ANKFY1: variants seen among roughly 807,000 people sequenced by gnomAD.
ANKFY1 encodes the protein ankyrin repeat and FYVE domain containing 1.
A neutral mutation model predicts 128.3 loss-of-function variants in ANKFY1; 47 were observed. That is an observed-to-expected ratio of 0.37 (90% CI 0.29 to 0.47). The LOEUF (loss-of-function observed/expected upper bound fraction) is 0.47, where lower values mean the gene tolerates loss of function less well. Among genes scored for constraint, ANKFY1 ranks in the 20% least tolerant of loss-of-function variants. The pLI, the probability that ANKFY1 is intolerant of heterozygous loss-of-function variation, is 1.00. For synonymous variants in ANKFY1, 553 were observed against 601.6 expected (o/e 0.92, Z 1.18); for missense variants, 1,222 against 1,510.6 (o/e 0.81, Z 3.17).
rs201624841 is a variant in ANKFY1 at position 4,195,386 on chromosome 17, C to T, written c.1172+17G>A. ...CCTCACAACCGCCTTCTCACTTGTG[C>T]GTGTCTCCCTACGTACTGTTTGCAC... On this transcript the variant is annotated intron_variant, in intron 9 of 24. Coordinates refer to ENST00000341657, the MANE Select transcript of ANKFY1 (RefSeq NM_001330063.2). The T allele has an allele frequency of 8.7e-5, 140 of 1,611,256 alleles. No homozygotes were observed. Among genetic ancestry groups the T allele is most frequent in the Non-Finnish European group, 1.1e-4 (127 of 1,178,486 alleles).
chr17:4,197,318 G>C (rs2059843706), intron 8 of ANKFY1, 55 bp downstream of exon 8: 9 of 1,576,282 alleles, frequency 5.7e-6, no homozygotes, highest in African/African-American at 5.4e-5. Flanking sequence ...ACATGCTACT[G>C]TAAGATATCT....
chr17:4,196,144 TACACACACACACACACACAC>T (rs35005172), intron 8 of ANKFY1, among the ~76,000 whole-genome samples: 23 of 83,954 alleles, frequency 2.7e-4, no homozygotes, highest in African/African-American at 1.1e-3. Context: ...CTGCATCTAC[TACACACACACACACACACAC>T]ACACACACAC....
At chr17:4,247,755 C>A (rs1387726907) in intron 1 of ANKFY1, among the ~76,000 whole-genome samples, 1 of 152,120 alleles carries the variant, frequency 6.6e-6, no homozygotes, top group Non-Finnish European at 1.5e-5. Context: ...GGTTCTAGGG[C>A]CAGACTGACT....
rs550133517 is a variant in ANKFY1, at chr17:4,183,798, C to T, written c.1798+14G>A. 3.0e-5 allele frequency: 48 copies of T among 1,602,634 alleles called. 1 individual carries two copies. The highest frequency in any genetic ancestry group is 1.3e-4 in the South Asian group (12 of 90,778). ...GTCTGTCTGCAGACATCAGCGGCCC[C>T]GGCACAGCCTTACCAGTCCATAATG... On this transcript the variant is annotated intron_variant, in intron 13 of 24. Transcript: ENST00000341657.
intron 3 of ANKFY1, chr17:4,222,340 A>G: frequency 1.3e-6 from 1 of 749,686 alleles, no homozygotes; most frequent in Non-Finnish European, 2.5e-6. Context: ...TTATGTGACA[A>G]ATGACCTTAT....
At chr17:4,242,085 A>G (rs1201493631) in intron 2 of ANKFY1, among the ~76,000 whole-genome samples, 171 bp downstream of exon 2, 1 of 49,794 alleles carries the variant, frequency 2.0e-5, no homozygotes, top group African/African-American at 3.8e-5. Flanking sequence ...CAGGACTCCA[A>G]CTCAAAAAAA....
intron 12 of ANKFY1, among the ~76,000 whole-genome samples, chr17:4,184,159 T>C (rs991852862): frequency 6.6e-6 from 1 of 152,204 alleles, no homozygotes; most frequent in African/African-American, 2.4e-5. Context: ...TGGACTCCAT[T>C]ACGGAAACAC....
chr17:4,194,857 A>T, intron 10 of ANKFY1, 121 bp downstream of exon 10: 1 of 923,066 alleles, frequency 1.1e-6, no homozygotes, highest in Non-Finnish European at 1.7e-6. Flanking sequence ...AAAATTAAGT[A>T]CAAAATAATT....
At chr17:4,241,516 T>A (rs1967223686) in intron 2 of ANKFY1, among the ~76,000 whole-genome samples, 1 of 151,600 alleles carries the variant, frequency 6.6e-6, no homozygotes, top group Non-Finnish European at 1.5e-5. Flanking sequence ...CCTCGTGATC[T>A]GCCCACCTCG....
At position 4,179,657 on chromosome 17, in the gene ANKFY1, A is replaced by G. The variant is rs1054164001; in HGVS notation, c.2397+64T>C. 168 of 1,584,932 alleles carry G rather than the reference A, an allele frequency of 1.1e-4. 1 individual carries two copies. Among genetic ancestry groups the G allele is most frequent in the Non-Finnish European group, 1.4e-4 (160 of 1,167,788 alleles). On this transcript the variant is annotated intron_variant, in intron 17 of 24. Transcript: ENST00000341657. ...TGGGGACTGTGCAAGGTCCTCTGCC[A>G]TAGGAGGAGGCTTCCCTCATGCTGG... is the stretch of plus-strand genomic sequence containing the variant.
rs2059178175 is a variant in ANKFY1 at position 4,164,546 on chromosome 17, T to C, written c.*3233A>G. 1 of 152,268 alleles carries C rather than the reference T, an allele frequency of 6.6e-6. No individual in the cohort carries two copies. The highest frequency in any genetic ancestry group is 2.1e-4 in the South Asian group (1 of 4,836). 9.4% of individuals were successfully genotyped at this position (152,268 alleles called of 1,614,324 possible). A position where few individuals can be genotyped will look rare whatever the true frequency, so the allele number is the denominator to read the frequency against. ...AAGCAAGTGTCTGTCATGGAAACAT[T>C]ACCCTTCCTTGTTCCTGCTACTGTC... On this transcript the variant is annotated 3_prime_UTR_variant, in exon 25 of 25. Coordinates refer to ENST00000341657, the MANE Select transcript of ANKFY1 (RefSeq NM_001330063.2).
At chr17:4,180,760 CAAA>C (rs11392631) in intron 16 of ANKFY1, among the ~76,000 whole-genome samples, 1 of 58,024 alleles carries the variant, frequency 1.7e-5, no homozygotes. Context: ...GACTCTGTCT[CAAA>C]AAAAAAAAAA....
At chr17:4,171,296 TGGA>T (rs949477487) in intron 22 of ANKFY1, among the ~76,000 whole-genome samples, 12 of 152,178 alleles carry the variant, frequency 7.9e-5, no homozygotes, top group African/African-American at 2.9e-4. Flanking sequence ...TGTGTACACA[TGGA>T]GAAGAAAAAT....
chr17:4,212,004 T>C lies in ANKFY1; in HGVS notation c.459-2057A>G, dbSNP rs1320432324. Among the ~76,000 whole-genome samples the C allele has an allele frequency of 2.0e-5, 3 of 152,142 alleles. No homozygotes were observed. In the South Asian group the frequency reaches 6.2e-4, roughly 31 times the overall value. On this transcript the variant is annotated intron_variant, in intron 4 of 24. Transcript: ENST00000341657. Reference sequence around the variant, plus strand: ...TGGTAGCAAAAGCAGGACCACATTGTAGTCTGGAAGATATGGCATTGGAAA... The same window carrying C: ...TGGTAGCAAAAGCAGGACCACATTGCAGTCTGGAAGATATGGCATTGGAAA...
At chr17:4,243,863 C>T (rs1222118613) in intron 1 of ANKFY1, among the ~76,000 whole-genome samples, 1 of 151,998 alleles carries the variant, frequency 6.6e-6, no homozygotes. Context: ...GGGCGCTGCA[C>T]GATGGTAAGT....
intron 6 of ANKFY1, among the ~76,000 whole-genome samples, chr17:4,207,567 C>G (rs894346662): frequency 6.6e-6 from 1 of 152,130 alleles, no homozygotes; most frequent in African/African-American, 2.4e-5. Context: ...AGACTTCCAA[C>G]CTACAAAACT....
intron 3 of ANKFY1, among the ~76,000 whole-genome samples, chr17:4,234,449 C>A (rs1271215722): frequency 6.6e-6 from 1 of 151,250 alleles, no homozygotes; most frequent in Admixed American, 6.6e-5. Context: ...CAATCCTACA[C>A]AAAAAAATGT....
chr17:4,262,510 C>A (rs1310195884), intron 1 of ANKFY1, among the ~76,000 whole-genome samples: 7 of 152,190 alleles, frequency 4.6e-5, no homozygotes, highest in African/African-American at 1.7e-4. Context: ...GATCCTCCCA[C>A]CTCGGCCTCC....
chr17:4,197,260 G>C, intron 8 of ANKFY1, 113 bp downstream of exon 8: 1 of 1,102,860 alleles, frequency 9.1e-7, no homozygotes, highest in Non-Finnish European at 1.3e-6. Flanking sequence ...ATGAAAATAA[G>C]ACTGAATAAT....
Sources: allele counts gnomAD v4.1 joint callset (sites outside exome capture counted in the v4.1 genomes callset), GRCh38; gene constraint gnomAD v4.1.1; transcripts MANE v1.5; gene names NCBI Gene and HGNC (gene_info 2026-07-23, HGNC 2026-07-21).